CAMTA1: variants seen among roughly 807,000 people sequenced by gnomAD.
CAMTA1 encodes calmodulin-binding transcription activator 1.
In CAMTA1, 27 loss-of-function variants were observed where a neutral mutation model predicts 170.9. The ratio of observed to expected loss-of-function variants is 0.16; its 90% confidence interval spans 0.12 to 0.22. The LOEUF (loss-of-function observed/expected upper bound fraction) is 0.22, where lower values mean the gene tolerates loss of function less well. Ranked by LOEUF, CAMTA1 falls within the 10% of genes least tolerant of loss-of-function variation. CAMTA1 has a pLI of 1.00. For missense variants in CAMTA1, 1,619 were observed against 2,217.2 expected (o/e 0.73, Z 5.42); for synonymous variants, 833 against 891.5 (o/e 0.93, Z 1.17).
intron 3 of CAMTA1, among the ~76,000 whole-genome samples, chr1:7,001,989 C>A (rs1303693644): frequency 6.6e-6 from 1 of 151,456 alleles, no homozygotes; most frequent in African/African-American, 2.4e-5. Context: ...CTCCGCCTCC[C>A]AGGTTCAAGC....
chr1:7,273,068 A>G (rs1670084056), intron 5 of CAMTA1, among the ~76,000 whole-genome samples: 1 of 152,232 alleles, frequency 6.6e-6, no homozygotes, highest in Admixed American at 6.5e-5. Flanking sequence ...CTTACCCACT[A>G]GGATGGCTAT....
At chr1:7,706,583 A>C (rs1041459306) in intron 11 of CAMTA1, among the ~76,000 whole-genome samples, 3 of 152,228 alleles carry the variant, frequency 2.0e-5, no homozygotes, top group Admixed American at 2.0e-4. Flanking sequence ...GACACTAGCA[A>C]ATAAATTTGT....
rs184869247 is a variant in CAMTA1 at position 7,146,571 on chromosome 1, G to A, written c.302+55200G>A. ...CATGGCCTTCCTTGACCCCGGCCAC[G>A]TCCTGCCGGCTCCTCCTCCTTGAAC... On this transcript the variant is annotated intron_variant, in intron 4 of 22. Transcript: ENST00000303635. This position sits in a 1 kb window ranked among gnomAD's most constrained non-coding sequence, Gnocchi z 4.3. 1.1e-4 allele frequency among the ~76,000 whole-genome samples: 17 copies of A among 152,020 alleles called. No homozygotes were observed. The highest frequency in any genetic ancestry group is 3.3e-4 in the Admixed American group (5 of 15,278).
chr1:6,955,836 T>C (rs552190402), intron 3 of CAMTA1, among the ~76,000 whole-genome samples: 1 of 152,152 alleles, frequency 6.6e-6, no homozygotes, highest in Admixed American at 6.5e-5. Context: ...CTGACCTCCA[T>C]CCTGCACCAT....
chr1:7,525,084 C>T (rs2094415444), intron 6 of CAMTA1, among the ~76,000 whole-genome samples: 4 of 152,224 alleles, frequency 2.6e-5, no homozygotes, highest in Admixed American at 6.5e-5. Context: ...CCGCGTCGGC[C>T]CCCGTCGCGC....
chr1:7,609,235 A>AT lies in CAMTA1; in HGVS notation c.511-31156dup, dbSNP rs1036435914. 6.0e-5 allele frequency among the ~76,000 whole-genome samples: 9 copies of AT among 151,062 alleles called. No homozygotes were observed. The highest frequency in any genetic ancestry group is 1.0e-4 in the Non-Finnish European group (7 of 67,710). On this transcript the variant is annotated intron_variant, in intron 6 of 22. Transcript: ENST00000303635. This position sits in a 1 kb window ranked among gnomAD's most constrained non-coding sequence, Gnocchi z 4.4. ...TTGCTCATCCTTGAGCCTGGGTTGG[A>AT]TTTTTTTTTAATGTTTAAAAATTCC...
In CAMTA1 at chr1:7,732,694, A is replaced by G. The variant is rs1244153257; in HGVS notation, c.3066+95A>G. The G allele has an allele frequency of 6.9e-7, 1 of 1,453,712 alleles. No individual in the cohort carries two copies. The highest frequency in any genetic ancestry group is 9.1e-7 in the Non-Finnish European group (1 of 1,096,844). The allele number at this position is 1,453,712 out of a possible 1,614,324, so 90.1% of individuals were successfully genotyped here. A position where few individuals can be genotyped will look rare whatever the true frequency, so the allele number is the denominator to read the frequency against. On this transcript the variant is annotated intron_variant, in intron 12 of 22. Coordinates refer to ENST00000303635, the MANE Select transcript of CAMTA1 (RefSeq NM_015215.4). This position sits in a 1 kb window ranked among gnomAD's most constrained non-coding sequence, Gnocchi z 4.1. ...ATCACAGGCCTCTTCTCTGCTGCTG[A>G]TGCGGTCCCTGTATTCAGGCAGAAG...
intron 4 of CAMTA1, among the ~76,000 whole-genome samples, chr1:7,220,366 G>T (rs1039408153): frequency 5.3e-5 from 8 of 152,180 alleles, no homozygotes; most frequent in Non-Finnish European, 1.0e-4. Context: ...ATGGAAAGAG[G>T]CCAGGCACGC....
At position 7,333,823 on chromosome 1, in the gene CAMTA1, C is replaced by T. The variant is rs2083184058; in HGVS notation, c.438+84197C>T. The stretch of plus-strand genomic sequence containing the variant: ...GAATAAAGCATTTTTGTAGCCTCCT[C>T]AAAATCCTCTCTCTGTGTTTACATT... On this transcript the variant is annotated intron_variant, in intron 5 of 22. Transcript: ENST00000303635. This position sits in a 1 kb window ranked among gnomAD's most constrained non-coding sequence, Gnocchi z 4.4. 6.6e-6 allele frequency among the ~76,000 whole-genome samples: 1 copy of T among 152,208 alleles called. No individual in the cohort carries two copies. Among genetic ancestry groups the T allele is most frequent in the African/African-American group, 2.4e-5 (1 of 41,458 alleles).
At chr1:7,509,407 GA>G (rs374599407) in intron 6 of CAMTA1, among the ~76,000 whole-genome samples, 30 of 152,302 alleles carry the variant, frequency 2.0e-4, no homozygotes, top group African/African-American at 7.0e-4. Flanking sequence ...AGAACAGAGA[GA>G]AAACACCGTG....
intron 4 of CAMTA1, among the ~76,000 whole-genome samples, chr1:7,207,322 G>A (rs1349483657): frequency 6.6e-6 from 1 of 152,234 alleles, no homozygotes; most frequent in Non-Finnish European, 1.5e-5. Flanking sequence ...GATACCCAGT[G>A]AGCGTGTCAA....
At chr1:7,169,250 T>G (rs1649117833) in intron 4 of CAMTA1, among the ~76,000 whole-genome samples, 1 of 152,198 alleles carries the variant, frequency 6.6e-6, no homozygotes, top group Admixed American at 6.5e-5. Flanking sequence ...ATATTTCTTT[T>G]CTCATGATAT....
intron 6 of CAMTA1, among the ~76,000 whole-genome samples, chr1:7,619,128 C>T (rs1390283425): frequency 1.3e-5 from 2 of 152,110 alleles, no homozygotes; most frequent in Non-Finnish European, 2.9e-5. Flanking sequence ...AGTATGAGAC[C>T]CAGTCCATAG....
chr1:6,997,805 C>T (rs1175048230), intron 3 of CAMTA1, among the ~76,000 whole-genome samples: 1 of 150,306 alleles, frequency 6.7e-6, no homozygotes, highest in African/African-American at 2.5e-5. Context: ...GGATTACAGG[C>T]GTGCACCACC....
At chr1:7,179,006 T>C (rs2148874465) in intron 4 of CAMTA1, among the ~76,000 whole-genome samples, 1 of 152,340 alleles carries the variant, frequency 6.6e-6, no homozygotes, top group Non-Finnish European at 1.5e-5. Context: ...GTATACTTAT[T>C]GGCACAATTG....
At chr1:7,454,219 T>G (rs1366419104) in intron 5 of CAMTA1, among the ~76,000 whole-genome samples, 3 of 152,140 alleles carry the variant, frequency 2.0e-5, no homozygotes, top group Admixed American at 1.3e-4. Context: ...AGAGGCGACC[T>G]CGCCTCACAC....
intron 6 of CAMTA1, among the ~76,000 whole-genome samples, chr1:7,477,573 C>A (rs948865775): frequency 6.6e-6 from 1 of 152,180 alleles, no homozygotes. Context: ...GCTGTACCCA[C>A]CTAAAGCCTC....
chr1:7,695,804 C>A (rs536305425), intron 11 of CAMTA1, among the ~76,000 whole-genome samples: 17 of 152,292 alleles, frequency 1.1e-4, no homozygotes, highest in African/African-American at 2.2e-4. Context: ...TAAGTAATGT[C>A]ATTTAGCACC....
rs535979357 is a variant in CAMTA1 at position 6,837,016 on chromosome 1, C to T, written c.234+11806C>T. ...GCAGTGGCGCAATCTCGGCTCACTG[C>T]AATCTCCGCTCACTGCAATCTCCGC... On this transcript the variant is annotated intron_variant, in intron 3 of 22. Transcript: ENST00000303635. Among the ~76,000 whole-genome samples, 4 of 151,206 alleles carry T rather than the reference C, an allele frequency of 2.6e-5. No homozygotes were observed. The South Asian group carries it at 6.3e-4, about 24-fold the overall frequency.
Sources: gnomAD v4.1 joint callset for allele counts (sites outside exome capture counted in the v4.1 genomes callset) on GRCh38, gnomAD v4.1.1 for gene constraint, Gnocchi (gnomAD v3.1) non-coding constraint, MANE v1.5 for transcripts, NCBI Gene and HGNC (gene_info 2026-07-23, HGNC 2026-07-21) for gene names.